Variants in ALKBH3 observed in about 807,000 individuals in gnomAD.
ALKBH3 encodes alpha-ketoglutarate-dependent dioxygenase alkB homolog 3.
A neutral mutation model predicts 43.9 loss-of-function variants in ALKBH3; 51 were observed. The ratio of observed to expected loss-of-function variants is 1.16; its 90% CI spans 0.93 to 1.47. The LOEUF is 1.47. Ranked by LOEUF, ALKBH3 falls within the 40% of genes most tolerant of loss-of-function variation. The pLI, the probability that ALKBH3 is intolerant of heterozygous loss-of-function variation, is 0.00. For synonymous variants in ALKBH3, 102 were observed against 115.2 expected, an observed-to-expected ratio of 0.89 and a Z score of 0.73; for missense variants, 361 against 351.9, an observed-to-expected ratio of 1.03 and a Z score of -0.21.
At chr11:43,898,303 G>T in intron 7 of ALKBH3, 1 of 726,036 alleles carries the variant, frequency 1.4e-6, no homozygotes, top group South Asian at 1.6e-5. Context: ...TTTTAATATT[G>T]ACAAAGCCAG....
chr11:43,919,609 C>T (rs779938008), intron 9 of ALKBH3: 1 of 330,382 alleles, frequency 3.0e-6, no homozygotes, highest in Non-Finnish European at 5.6e-6. Flanking sequence ...TCTCATGCCT[C>T]TCTTTGGTCT....
chr11:43,884,436 T>G (rs1180988761), intron 4 of ALKBH3, among the ~76,000 whole-genome samples: 1 of 151,832 alleles, frequency 6.6e-6, no homozygotes, highest in African/African-American at 2.4e-5. Flanking sequence ...GTAGATGAGC[T>G]TACAGTCCAT....
intron 8 of ALKBH3, among the ~76,000 whole-genome samples, chr11:43,903,672 C>G (rs1049110665): frequency 2.0e-5 from 3 of 152,150 alleles, no homozygotes; most frequent in Non-Finnish European, 4.4e-5. Flanking sequence ...TTCACACTTA[C>G]TTTCTTTGTT....
At chr11:43,883,792 C>T (rs1233442249) in intron 3 of ALKBH3, among the ~76,000 whole-genome samples, 191 bp from the exon 4 acceptor site, 2 of 152,110 alleles carry the variant, frequency 1.3e-5, no homozygotes, top group Non-Finnish European at 2.9e-5. Flanking sequence ...TCTTCTTTTA[C>T]TGTCTACTAG....
chr11:43,919,216 TG>T, intron 9 of ALKBH3, 80 bp downstream of exon 9: 1 of 1,239,958 alleles, frequency 8.1e-7, no homozygotes, highest in East Asian at 2.3e-5. Context: ...TAAGTAGACA[TG>T]GTGAAAAGCA....
intron 8 of ALKBH3, chr11:43,912,408 A>G (rs1368018971): frequency 1.3e-5 from 2 of 152,214 alleles, no homozygotes; most frequent in Non-Finnish European, 2.9e-5. Flanking sequence ...AGGGCCCCCT[A>G]TAGCGTGAAG....
rs1003394201 is a variant in ALKBH3 at position 43,898,134 on chromosome 11, T to A, written c.460-3382T>A. 36 of 1,169,968 alleles carry A rather than the reference T, an allele frequency of 3.1e-5. No individual in the cohort carries two copies. In the African/African-American group the frequency reaches 5.2e-4, roughly 17 times the overall value. 72.5% of individuals were successfully genotyped at this position (1,169,968 alleles called of 1,614,324 possible). On this transcript the variant is annotated intron_variant, in intron 7 of 9. Coordinates refer to ENST00000302708, the MANE Select transcript of ALKBH3 (RefSeq NM_139178.4). Reference sequence around the variant, plus strand: ...CACCTGAGCCCGTGGTGGGCATCCCTGATAACAAACTAGATGCTGACTACA... The same window carrying A: ...CACCTGAGCCCGTGGTGGGCATCCCAGATAACAAACTAGATGCTGACTACA...
chr11:43,884,292 A>G (rs1368257933), intron 4 of ALKBH3, among the ~76,000 whole-genome samples: 1 of 152,058 alleles, frequency 6.6e-6, no homozygotes, highest in African/African-American at 2.4e-5. Context: ...TGTAGACAGT[A>G]AGCTAAACCT....
rs941640852 is a variant in ALKBH3 at position 43,902,985 on chromosome 11, C to T, written c.669+1260C>T. Among the ~76,000 whole-genome samples, 22 of 152,216 alleles carry T rather than the reference C, an allele frequency of 1.4e-4. 1 individual carries two copies. Among genetic ancestry groups the T allele is most frequent in the Non-Finnish European group, 1.5e-5 (1 of 68,038 alleles). Reference sequence around the variant, plus strand: ...CGTCAGATATACTTCCATAAGAATACAGTTAACAGACTGAGTGTTTTCCTG... The same window carrying T: ...CGTCAGATATACTTCCATAAGAATATAGTTAACAGACTGAGTGTTTTCCTG... On this transcript the variant is annotated intron_variant, in intron 8 of 9. Transcript: ENST00000302708.
At chr11:43,900,353 A>G (rs1951854168) in intron 7 of ALKBH3, among the ~76,000 whole-genome samples, 1 of 149,938 alleles carries the variant, frequency 6.7e-6, no homozygotes, top group Non-Finnish European at 1.5e-5. Flanking sequence ...CCTCCCGAGT[A>G]GCTGGGACTA....
chr11:43,883,250 C>G, intron 3 of ALKBH3, 62 bp downstream of exon 3: 1 of 1,153,630 alleles, frequency 8.7e-7, no homozygotes, highest in Admixed American at 2.0e-5. Flanking sequence ...GATATTCACA[C>G]AGTAGACACT....
intron 5 of ALKBH3, among the ~76,000 whole-genome samples, chr11:43,889,457 G>C (rs573045034): frequency 6.6e-6 from 1 of 152,190 alleles, no homozygotes; most frequent in Non-Finnish European, 1.5e-5. Flanking sequence ...CTGAAATACT[G>C]TTTGAATTAT....
chr11:43,886,206 G>A (rs1951745498), intron 4 of ALKBH3, among the ~76,000 whole-genome samples: 1 of 152,186 alleles, frequency 6.6e-6, no homozygotes, highest in African/African-American at 2.4e-5. Context: ...ATCTCTGAAA[G>A]CAACAGAAGC....
chr11:43,900,762 A>G lies in ALKBH3; in HGVS notation c.460-754A>G, dbSNP rs1416612107. ...TAAGCTATGTTGTTTGTAGCTCCCA[A>G]GTACAATCTAAGGTCAGGGGTCATA... On this transcript the variant is annotated intron_variant, in intron 7 of 9. Transcript: ENST00000302708. Among the ~76,000 whole-genome samples the G allele has an allele frequency of 2.0e-5, 3 of 152,148 alleles. No homozygotes were observed. In the East Asian group the frequency reaches 5.8e-4, roughly 29 times the overall value.
chr11:43,901,761 C>T (rs566247170), intron 8 of ALKBH3, 36 bp downstream of exon 8: 187 of 1,604,302 alleles, frequency 1.2e-4, no homozygotes, highest in Non-Finnish European at 1.6e-4. Flanking sequence ...CTTCCTGCCT[C>T]TTATTAGTCT....
At chr11:43,905,851 T>G (rs989505449) in intron 8 of ALKBH3, among the ~76,000 whole-genome samples, 2 of 152,208 alleles carry the variant, frequency 1.3e-5, no homozygotes, top group African/African-American at 4.8e-5. Flanking sequence ...TAGTTTTAAT[T>G]CTATACTGAA....
chr11:43,883,858 A>C (rs574218421), intron 3 of ALKBH3, 125 bp from the exon 4 acceptor site: 1 of 1,150,012 alleles, frequency 8.7e-7, no homozygotes, highest in East Asian at 2.5e-5. Flanking sequence ...TGGGTTAGTG[A>C]GAAGTTGGAA....
chr11:43,882,632 G>T lies in ALKBH3; in HGVS notation c.-21G>T. On this transcript the variant is annotated 5_prime_UTR_variant, in exon 2 of 10. Coordinates refer to ENST00000302708, the MANE Select transcript of ALKBH3 (RefSeq NM_139178.4). ...GAACAAAATCTTCTGAAAGCTCGGA[G>T]CAGAAGCCTTTTTGGTCAACATGGA... is the stretch of plus-strand genomic sequence containing the variant. 1 of 1,608,226 alleles carries T rather than the reference G, an allele frequency of 6.2e-7. No individual in the cohort carries two copies. The highest frequency in any genetic ancestry group is 8.5e-7 in the Non-Finnish European group (1 of 1,178,154).
chr11:43,891,387 G>A (rs1043795719), intron 6 of ALKBH3, among the ~76,000 whole-genome samples: 9 of 152,122 alleles, frequency 5.9e-5, no homozygotes, highest in East Asian at 1.9e-4. Flanking sequence ...ATGAGATAAC[G>A]CATGAGATTG....
Sources: allele counts gnomAD v4.1 joint callset (sites outside exome capture counted in the v4.1 genomes callset), GRCh38; gene constraint gnomAD v4.1.1; transcripts MANE v1.5; gene names NCBI Gene and HGNC (gene_info 2026-07-23, HGNC 2026-07-21).